Variants in DNAH9 observed in about 807,000 individuals in gnomAD.
DNAH9 encodes the protein dynein axonemal heavy chain 9, also known as DNAH9 variant protein.
A neutral mutation model predicts 471.6 loss-of-function variants in DNAH9; 345 were observed. That is an observed-to-expected ratio of 0.73 (90% CI 0.67 to 0.80). The LOEUF (loss-of-function observed/expected upper bound fraction) is 0.80. DNAH9 is among the 30% of genes least tolerant of loss of function. The pLI is 0.00. For synonymous variants in DNAH9, 2,093 were observed against 2,123.6 expected (o/e 0.99, Z 0.40); for missense variants, 5,407 against 5,609.2 (o/e 0.96, Z 1.15).
chr17:11,793,460 G>T, intron 41 of DNAH9, 43 bp from the exon 42 acceptor site: 1 of 1,581,004 alleles, frequency 6.3e-7, no homozygotes. Flanking sequence ...TGTACCTCTG[G>T]ATGGTTATTA....
rs1352888687 is a variant in DNAH9 at position 11,874,946 on chromosome 17, C to T, written c.10243-3C>T. ...GCGTGGGGTGGTGTTTCTTCTTCAC[C>T]AGACTCCCATTCCAGTCACCCCAGC... is the stretch of plus-strand genomic sequence containing the variant. On this transcript the variant is annotated splice_region_variant and splice_polypyrimidine_tract_variant and intron_variant, in intron 52 of 68. Transcript: ENST00000262442. 6.2e-7 allele frequency: 1 copy of T among 1,610,032 alleles called. No homozygotes were observed. The highest frequency in any genetic ancestry group is 1.7e-5 in the Admixed American group (1 of 59,982).
chr17:11,875,683 T>C (rs1972449157), intron 53 of DNAH9: 1 of 155,244 alleles, frequency 6.4e-6, no homozygotes, highest in South Asian at 2.0e-4. Context: ...TATGAAACCT[T>C]CAGAGCCCTT....
intron 63 of DNAH9, 41 bp downstream of exon 63, chr17:11,930,134 A>C: frequency 7.1e-6 from 11 of 1,538,814 alleles, no homozygotes; most frequent in Non-Finnish European, 9.8e-6. Flanking sequence ...AGCACACCTC[A>C]CAGTCAGCTG....
intron 41 of DNAH9, among the ~76,000 whole-genome samples, chr17:11,791,407 AT>A (rs1156238606): frequency 6.6e-6 from 1 of 152,204 alleles, no homozygotes; most frequent in Non-Finnish European, 1.5e-5. Context: ...GCAAACCTGT[AT>A]AAAGAAAAAA....
chr17:11,832,031 AG>A (rs1224261854), intron 48 of DNAH9, among the ~76,000 whole-genome samples: 1 of 152,168 alleles, frequency 6.6e-6, no homozygotes, highest in African/African-American at 2.4e-5. Flanking sequence ...TTCCCATCCA[AG>A]TGTGGTTGTG....
chr17:11,952,133 A>G (rs1053217968), intron 67 of DNAH9, among the ~76,000 whole-genome samples: 4 of 117,228 alleles, frequency 3.4e-5, no homozygotes, highest in African/African-American at 1.2e-4. Context: ...TGCCAAAGCT[A>G]TATTACTTTT....
intron 19 of DNAH9, among the ~76,000 whole-genome samples, chr17:11,683,949 TTTTC>T (rs1257231265): frequency 6.6e-6 from 1 of 152,222 alleles, no homozygotes; most frequent in African/African-American, 2.4e-5. Flanking sequence ...ATGTGTTTTG[TTTTC>T]TTTCTTAGTT....
At chr17:11,855,648 T>C (rs1971599780) in intron 50 of DNAH9, among the ~76,000 whole-genome samples, 1 of 152,232 alleles carries the variant, frequency 6.6e-6, no homozygotes. Flanking sequence ...AGACCTATAA[T>C]CACATTACCT....
chr17:11,854,173 A>G lies in DNAH9; in HGVS notation c.9678A>G (p.Ile3226Met), dbSNP rs1397550713. ...AKVDGFLDSL[I>M]NFNKENIHEN... is the part of the protein sequence containing the mutation. ...TGGATGGCTTCCTGGACTCGCTAAT[A>G]AACTTCAACAAAGAGAACATTCACG... is the stretch of plus-strand genomic sequence containing the variant. Residue 3226 changes from isoleucine to methionine, a missense_variant, in exon 50 of 69, where the codon ATA (isoleucine) becomes ATG (methionine). By Grantham distance (10) the Ile-to-Met change is conservative. Transcript: ENST00000262442. 1 of 1,614,176 alleles carries G rather than the reference A, an allele frequency of 6.2e-7. No homozygotes were observed. Among genetic ancestry groups the G allele is most frequent in the South Asian group, 1.1e-5 (1 of 91,082 alleles).
At chr17:11,876,846 C>T (rs894913148) in intron 53 of DNAH9, among the ~76,000 whole-genome samples, 2 of 152,142 alleles carry the variant, frequency 1.3e-5, no homozygotes, top group Non-Finnish European at 2.9e-5. Flanking sequence ...GGTTCAGCCT[C>T]CTGAGTAGCT....
intron 8 of DNAH9, among the ~76,000 whole-genome samples, chr17:11,636,337 C>A (rs1334507327): frequency 6.6e-6 from 1 of 152,160 alleles, no homozygotes; most frequent in African/African-American, 2.4e-5. Context: ...TTCAGCTTAA[C>A]CTTGCTGGGA....
chr17:11,752,570 G>A (rs1967203580), intron 32 of DNAH9, among the ~76,000 whole-genome samples: 1 of 152,162 alleles, frequency 6.6e-6, no homozygotes, highest in African/African-American at 2.4e-5. Context: ...AGGAGGCTGA[G>A]GCAGGACAAT....
chr17:11,605,250 T>C (rs73975030), intron 1 of DNAH9, among the ~76,000 whole-genome samples: 8,467 of 152,212 alleles, frequency 0.056, 307 homozygotes, highest in South Asian at 0.14. Context: ...ACATTTACAA[T>C]TGCAGCCCCT....
chr17:11,943,703 G>A (rs1189768028), intron 67 of DNAH9, among the ~76,000 whole-genome samples: 1 of 152,038 alleles, frequency 6.6e-6, no homozygotes, highest in Non-Finnish European at 1.5e-5. Context: ...AAAAAATCAA[G>A]GTTAGGGTTT....
rs2072905524 is a variant in DNAH9 at position 11,623,121 on chromosome 17, G to GCC, written c.1350+3340_1350+3341insCC. 6.6e-6 allele frequency among the ~76,000 whole-genome samples: 1 copy of GCC among 151,854 alleles called. No individual in the cohort carries two copies. The highest frequency in any genetic ancestry group is 6.6e-5 in the Admixed American group (1 of 15,244). ...CCCAAGTAGCTGGGATTACAGGCAT[G>GCC]TGCCACCATGCCTGGTTAATTTTTG... is the stretch of plus-strand genomic sequence containing the variant. On this transcript the variant is annotated intron_variant, in intron 6 of 68. Transcript: ENST00000262442. The surrounding 1 kb of genome is among the most constrained non-coding windows in gnomAD (Gnocchi z 4.1).
chr17:11,898,354 C>T (rs1973290747), intron 59 of DNAH9, among the ~76,000 whole-genome samples: 1 of 152,156 alleles, frequency 6.6e-6, no homozygotes, highest in Admixed American at 6.5e-5. Flanking sequence ...ATCTCTTGAC[C>T]TCATGATCTG....
chr17:11,932,289 T>C lies in DNAH9; in HGVS notation c.12297+84T>C, dbSNP rs1246464975. On this transcript the variant is annotated intron_variant, in intron 64 of 68. Coordinates refer to ENST00000262442, the MANE Select transcript of DNAH9 (RefSeq NM_001372.4). This position sits in a 1 kb window ranked among gnomAD's most constrained non-coding sequence, Gnocchi z 4.3. ...TTTTGAGGGGTGAATCAGAGGGGTCTAGGATGGGGCCTGAGAATGTGCATT... is the reference window on the plus strand; with the variant it reads ...TTTTGAGGGGTGAATCAGAGGGGTCCAGGATGGGGCCTGAGAATGTGCATT... 7.3e-7 allele frequency: 1 copy of C among 1,377,248 alleles called. No individual in the cohort carries two copies. Among genetic ancestry groups the C allele is most frequent in the Admixed American group, 2.3e-5 (1 of 43,132 alleles). 85.3% of individuals were successfully genotyped at this position (1,377,248 alleles called of 1,614,324 possible).
chr17:11,950,849 C>G (rs1046766576), intron 67 of DNAH9, among the ~76,000 whole-genome samples: 7 of 152,208 alleles, frequency 4.6e-5, no homozygotes, highest in African/African-American at 1.7e-4. Flanking sequence ...AGGGTTCCAT[C>G]TGAGTTCATC....
At position 11,848,896 on chromosome 17, in the gene DNAH9, G is replaced by A. The variant is rs924345119; in HGVS notation, c.9508-5107G>A. On this transcript the variant is annotated intron_variant, in intron 49 of 68. Coordinates refer to ENST00000262442, the MANE Select transcript of DNAH9 (RefSeq NM_001372.4). ...CTGTCGCCCAGGCTGGAGTGCAGTG[G>A]CATGATCTCGGCTCACTGCAAGCTC... is the stretch of plus-strand genomic sequence containing the variant. Among the ~76,000 whole-genome samples the A allele has an allele frequency of 1.3e-5, 2 of 151,898 alleles. 1 individual carries two copies. Among genetic ancestry groups the A allele is most frequent in the Non-Finnish European group, 2.9e-5 (2 of 67,994 alleles).
Sources: gnomAD v4.1 joint callset for allele counts (sites outside exome capture counted in the v4.1 genomes callset) on GRCh38, gnomAD v4.1.1 for gene constraint, Gnocchi (gnomAD v3.1) non-coding constraint, MANE v1.5 for transcripts, NCBI Gene and HGNC (gene_info 2026-07-23, HGNC 2026-07-21) for gene names.